STX6: variants seen among roughly 807,000 people sequenced by gnomAD.
STX6 encodes the protein syntaxin-6.
STX6 carries 23 observed loss-of-function variants against 38.0 expected under a neutral mutation model. That is an observed-to-expected ratio of 0.60 (90% CI 0.43 to 0.86). The LOEUF is 0.86. Ranked by LOEUF, STX6 falls within the 40% of genes least tolerant of loss-of-function variation. STX6 has a pLI of 0.00. For missense variants in STX6, 274 were observed against 312.9 expected (o/e 0.88, Z 0.94); for synonymous variants, 123 against 107.5 (o/e 1.14, Z -0.89).
chr1:180,994,462 C>T (rs1558091825), intron 3 of STX6, among the ~76,000 whole-genome samples: 1 of 152,212 alleles, frequency 6.6e-6, no homozygotes, highest in Admixed American at 6.5e-5. Flanking sequence ...GGCCCCTGCC[C>T]ACATGGAGTT....
rs1340731501 is a variant in STX6, at chr1:180,975,752, C to A, written c.*818G>T. ...ATCACCCTCAAAACGCAAGCTGCACCTCTGGGGAGGAAGCCCTGGTACAGC... is the reference window on the plus strand; with the variant it reads ...ATCACCCTCAAAACGCAAGCTGCACATCTGGGGAGGAAGCCCTGGTACAGC... On this transcript the variant is annotated 3_prime_UTR_variant, in exon 8 of 8. Coordinates refer to ENST00000258301, the MANE Select transcript of STX6 (RefSeq NM_005819.6). 1.3e-5 allele frequency: 2 copies of A among 152,228 alleles called. No individual in the cohort carries two copies. Among genetic ancestry groups the A allele is most frequent in the Non-Finnish European group, 2.9e-5 (2 of 68,064 alleles). 9.4% of individuals were successfully genotyped at this position (152,228 alleles called of 1,614,324 possible).
At position 181,013,157 on chromosome 1, in the gene STX6, CA is replaced by C. The variant is rs11400378; in HGVS notation, c.36-7695del. On this transcript the variant is annotated intron_variant, in intron 1 of 7. Transcript: ENST00000258301. ...TAATACATTCAGTCCAAATACAGTC[CA>C]AAAAAAAAAAAAATCACAAAGTTTT... Among the ~76,000 whole-genome samples the C allele has an allele frequency of 8.6e-3, 1,197 of 138,792 alleles. 4 individuals carry two copies. The highest frequency in any genetic ancestry group is 0.018 in the African/African-American group (676 of 38,258). The allele number at this position is 138,792 out of a possible 152,430, so 91.1% of individuals were successfully genotyped here. A position where few individuals can be genotyped will look rare whatever the true frequency, so the allele number is the denominator to read the frequency against.
intron 7 of STX6, among the ~76,000 whole-genome samples, chr1:180,981,071 C>T (rs1334391710): frequency 6.6e-6 from 1 of 152,126 alleles, no homozygotes; most frequent in African/African-American, 2.4e-5. Context: ...GGCAGTGAAA[C>T]AGCTCTGTGT....
chr1:180,977,775 A>T (rs1408898124), intron 7 of STX6, among the ~76,000 whole-genome samples: 1 of 152,240 alleles, frequency 6.6e-6, no homozygotes, highest in African/African-American at 2.4e-5. Context: ...AAAAGATCTC[A>T]ATCTATGAAA....
Position 181,002,588 on chromosome 1 carries a change from T to C in STX6, c.300+18A>G, listed in dbSNP as rs1314075326. 1 of 1,568,364 alleles carries C rather than the reference T, an allele frequency of 6.4e-7. No homozygotes were observed. On this transcript the variant is annotated intron_variant, in intron 3 of 7. Transcript: ENST00000258301. ...GCTATTTCTTATACAGATAACACAA[T>C]AAGATCATATTCCTTACCCTGACAA...
chr1:180,991,463 T>G (rs1655755531), intron 4 of STX6, among the ~76,000 whole-genome samples: 1 of 152,182 alleles, frequency 6.6e-6, no homozygotes, highest in Non-Finnish European at 1.5e-5. Flanking sequence ...AATGCTATAA[T>G]GCATCACTGG....
At chr1:181,020,121 G>A (rs1656683682) in intron 1 of STX6, among the ~76,000 whole-genome samples, 1 of 152,084 alleles carries the variant, frequency 6.6e-6, no homozygotes, top group South Asian at 2.1e-4. Flanking sequence ...AGGCTGAGGT[G>A]CAAGAATCGC....
At chr1:181,008,883 T>C (rs1425021011) in intron 1 of STX6, among the ~76,000 whole-genome samples, 1 of 152,058 alleles carries the variant, frequency 6.6e-6, no homozygotes, top group East Asian at 1.9e-4. Context: ...TGAGAAAGCC[T>C]GCAAGTCTGA....
Position 180,975,247 on chromosome 1 carries a change from G to A in STX6, c.*1323C>T, listed in dbSNP as rs947877809. The A allele has an allele frequency of 2.0e-5, 3 of 152,610 alleles. No individual in the cohort carries two copies. The highest frequency in any genetic ancestry group is 2.9e-5 in the Non-Finnish European group (2 of 68,044). 9.5% of individuals were successfully genotyped at this position (152,610 alleles called of 1,614,324 possible). A position where few individuals can be genotyped will look rare whatever the true frequency, so the allele number is the denominator to read the frequency against. ...GGAGAGACCAGCAGCCTCCACCACCGAGTTCTGGCTCTGGGTCCAAATACT... is the reference window on the plus strand; with the variant it reads ...GGAGAGACCAGCAGCCTCCACCACCAAGTTCTGGCTCTGGGTCCAAATACT... On this transcript the variant is annotated 3_prime_UTR_variant, in exon 8 of 8. Coordinates refer to ENST00000258301, the MANE Select transcript of STX6 (RefSeq NM_005819.6).
chr1:180,983,950 G>C (rs1435153188), intron 7 of STX6, among the ~76,000 whole-genome samples: 1 of 149,896 alleles, frequency 6.7e-6, no homozygotes, highest in Non-Finnish European at 1.5e-5. Context: ...TGTAGTCCCA[G>C]CTACTTGGGA....
chr1:180,995,519 A>G (rs903346882), intron 3 of STX6, among the ~76,000 whole-genome samples: 2 of 152,200 alleles, frequency 1.3e-5, no homozygotes, highest in African/African-American at 2.4e-5. Flanking sequence ...ATTATTAAAA[A>G]CTACGCAGAG....
At chr1:180,978,214 GAACA>G (rs1558085412) in intron 7 of STX6, among the ~76,000 whole-genome samples, 2 of 152,204 alleles carry the variant, frequency 1.3e-5, no homozygotes, top group African/African-American at 4.8e-5. Flanking sequence ...GTAAAAAGCT[GAACA>G]AACTGAAAAA....
Position 181,000,568 on chromosome 1 carries a change from G to A in STX6, c.300+2038C>T, listed in dbSNP as rs1483416193. On this transcript the variant is annotated intron_variant, in intron 3 of 7. Coordinates refer to ENST00000258301, the MANE Select transcript of STX6 (RefSeq NM_005819.6). ...CCTGGTCTCTCCTTTGACACATGGG[G>A]ATTATGGGGATTACAATTCAAGATG... Among the ~76,000 whole-genome samples the A allele has an allele frequency of 2.0e-5, 3 of 152,140 alleles. No individual in the cohort carries two copies. The South Asian group carries it at 6.2e-4, about 32-fold the overall frequency.
At chr1:181,008,948 GA>G (rs1656315923) in intron 1 of STX6, among the ~76,000 whole-genome samples, 2 of 151,822 alleles carry the variant, frequency 1.3e-5, no homozygotes, top group African/African-American at 2.4e-5. Flanking sequence ...GGGGCGGGGG[GA>G]AAACAGCTAT....
intron 1 of STX6, among the ~76,000 whole-genome samples, chr1:181,008,937 C>T (rs556406431): frequency 2.6e-5 from 4 of 151,652 alleles, no homozygotes; most frequent in South Asian, 4.2e-4. Context: ...AGATTTTGCT[C>T]GGGGCGGGGG....
At chr1:180,995,039 T>G (rs1335773492) in intron 3 of STX6, among the ~76,000 whole-genome samples, 3 of 151,868 alleles carry the variant, frequency 2.0e-5, no homozygotes, top group African/African-American at 7.3e-5. Context: ...CTCGGCTCAC[T>G]GCAACCTCCG....
chr1:181,013,334 T>C (rs1656464342), intron 1 of STX6, among the ~76,000 whole-genome samples: 1 of 152,236 alleles, frequency 6.6e-6, no homozygotes, highest in South Asian at 2.1e-4. Flanking sequence ...TTTCCTGTTG[T>C]GGTTGAGACA....
intron 1 of STX6, 117 bp downstream of exon 1, chr1:181,022,522 G>GT (rs1656768536): frequency 9.5e-7 from 1 of 1,052,948 alleles, no homozygotes; most frequent in African/African-American, 1.6e-5. Context: ...CGTCTCCACT[G>GT]TTCCCCCTCC....
intron 6 of STX6, among the ~76,000 whole-genome samples, chr1:180,985,826 C>G (rs1268800656): frequency 1.3e-5 from 2 of 152,230 alleles, no homozygotes; most frequent in Non-Finnish European, 2.9e-5. Flanking sequence ...TTAACTCTGA[C>G]AGCATCAATG....
Sources: allele counts gnomAD v4.1 joint callset (sites outside exome capture counted in the v4.1 genomes callset), GRCh38; gene constraint gnomAD v4.1.1; transcripts MANE v1.5; gene names NCBI Gene and HGNC (gene_info 2026-07-23, HGNC 2026-07-21).